The following PLPPR1 variants were observed in gnomAD, a reference collection of about 807,000 sequenced individuals.
The protein encoded by PLPPR1 is phospholipid phosphatase-related protein type 1.
PLPPR1 carries 10 observed loss-of-function variants against 33.1 expected under a neutral mutation model. That is an observed-to-expected ratio of 0.30 (90% confidence interval 0.19 to 0.51). The LOEUF (loss-of-function observed/expected upper bound fraction) is 0.51. Ranked by LOEUF, PLPPR1 falls within the 20% of genes least tolerant of loss-of-function variation. The pLI is 0.97. For synonymous variants in PLPPR1, 151 were observed against 151.0 expected (o/e 1.00, Z 0.00); for missense variants, 304 against 408.1 (o/e 0.74, Z 2.20).
At chr9:101,187,010 G>C (rs1454210098) in intron 2 of PLPPR1, among the ~76,000 whole-genome samples, 1 of 151,802 alleles carries the variant, frequency 6.6e-6, no homozygotes, top group Admixed American at 6.6e-5. Context: ...TCAGACAATA[G>C]TGATAATTAT....
chr9:101,082,418 A>G (rs581128), intron 1 of PLPPR1, among the ~76,000 whole-genome samples: 91,999 of 151,730 alleles, frequency 0.61, 27,862 homozygotes, highest in East Asian at 0.63. Context: ...CCCACCAAGG[A>G]GGGGATTTTT....
In PLPPR1 at chr9:101,090,216, T is replaced by C. The variant is rs1005888119; in HGVS notation, c.-46+61114T>C. On this transcript the variant is annotated intron_variant, in intron 1 of 7. Transcript: ENST00000374874. ...GTAGATTAGAACCTCTTAACTTGGA[T>C]AAATCTGCAAAGACCCCGTTTCCAA... Among the ~76,000 whole-genome samples, 8 of 152,246 alleles carry C rather than the reference T, an allele frequency of 5.3e-5. 1 individual carries two copies. The East Asian group carries it at 1.5e-3, about 29-fold the overall frequency.
intron 1 of PLPPR1, among the ~76,000 whole-genome samples, chr9:101,139,659 A>G (rs1831423932): frequency 6.6e-6 from 1 of 152,152 alleles, no homozygotes; most frequent in African/African-American, 2.4e-5. Context: ...GAGTGTTGCC[A>G]TTATATTGCC....
chr9:101,261,346 G>T (rs990414618), intron 2 of PLPPR1, among the ~76,000 whole-genome samples: 14 of 152,062 alleles, frequency 9.2e-5, no homozygotes, highest in African/African-American at 3.4e-4. Flanking sequence ...TTGTTGCTCA[G>T]TTTTTTTAAC....
rs1308760408 is a variant in PLPPR1 at position 101,078,167 on chromosome 9, GA to G, written c.-46+49067del. ...AGAAGAAGAAGAAGAAGAAGAAGAA[GA>G]AGAAGAAGAAGAAGAAGAGGAGGGG... On this transcript the variant is annotated intron_variant, in intron 1 of 7. Coordinates refer to ENST00000374874, the MANE Select transcript of PLPPR1 (RefSeq NM_207299.2). Among the ~76,000 whole-genome samples the G allele has an allele frequency of 1.0e-3, 39 of 37,794 alleles. 2 individuals carry two copies. The highest frequency in any genetic ancestry group is 1.5e-3 in the Non-Finnish European group (29 of 19,796). 24.8% of individuals were successfully genotyped at this position (37,794 alleles called of 152,430 possible).
chr9:101,121,791 C>T (rs935841230), intron 1 of PLPPR1, among the ~76,000 whole-genome samples: 2 of 152,152 alleles, frequency 1.3e-5, no homozygotes, highest in East Asian at 3.8e-4. Context: ...TCAAGTAAGA[C>T]TAGTGAATTC....
intron 1 of PLPPR1, among the ~76,000 whole-genome samples, chr9:101,111,530 A>T (rs1367364837): frequency 2.0e-5 from 3 of 152,188 alleles, no homozygotes; most frequent in Non-Finnish European, 4.4e-5. Context: ...TTCCTGTTAT[A>T]CCTATATTTG....
At chr9:101,277,052 A>T (rs1437236281) in intron 3 of PLPPR1, among the ~76,000 whole-genome samples, 1 of 152,220 alleles carries the variant, frequency 6.6e-6, no homozygotes, top group Non-Finnish European at 1.5e-5. Flanking sequence ...AAAGTGGAGC[A>T]TGGAGACATT....
At chr9:101,286,336 G>A in intron 4 of PLPPR1, 100 bp downstream of exon 4, 2 of 1,151,604 alleles carry the variant, frequency 1.7e-6, no homozygotes, top group Non-Finnish European at 2.4e-6. Context: ...AACATTAAAA[G>A]CAAGGGCTGC....
chr9:101,050,980 G>A (rs1291158284), intron 1 of PLPPR1, among the ~76,000 whole-genome samples: 1 of 151,986 alleles, frequency 6.6e-6, no homozygotes, highest in Non-Finnish European at 1.5e-5. Flanking sequence ...GTCACTCTAG[G>A]TTCACTTTGT....
chr9:101,193,773 A>G (rs542425653), intron 2 of PLPPR1, among the ~76,000 whole-genome samples: 3 of 152,314 alleles, frequency 2.0e-5, no homozygotes, highest in South Asian at 4.1e-4. Context: ...GAGCTAATTG[A>G]TTTACTTAAG....
chr9:101,318,294 T>G (rs1048631914), intron 7 of PLPPR1, among the ~76,000 whole-genome samples: 11 of 152,116 alleles, frequency 7.2e-5, no homozygotes, highest in Non-Finnish European at 1.5e-4. Context: ...AAAAATCTAC[T>G]CCATGTGAGA....
chr9:101,212,383 A>C (rs1190246805), intron 2 of PLPPR1, among the ~76,000 whole-genome samples: 2 of 152,098 alleles, frequency 1.3e-5, no homozygotes. Flanking sequence ...ACTCCCGGCC[A>C]CATCTTTTGC....
intron 4 of PLPPR1, among the ~76,000 whole-genome samples, chr9:101,301,160 TACAATG>T (rs1828744281): frequency 6.6e-6 from 1 of 152,222 alleles, no homozygotes. Context: ...CATGAGTAAT[TACAATG>T]ACAAATACAG....
At chr9:101,227,286 C>G (rs1827090895) in intron 2 of PLPPR1, among the ~76,000 whole-genome samples, 1 of 152,114 alleles carries the variant, frequency 6.6e-6, no homozygotes, top group Non-Finnish European at 1.5e-5. Flanking sequence ...TAAAAGTGTT[C>G]CTTTTTCTCT....
chr9:101,049,415 G>A (rs1292288595), intron 1 of PLPPR1, among the ~76,000 whole-genome samples: 1 of 152,156 alleles, frequency 6.6e-6, no homozygotes, highest in African/African-American at 2.4e-5. Context: ...GTGACTTTAT[G>A]TCTATTCACC....
intron 2 of PLPPR1, among the ~76,000 whole-genome samples, chr9:101,195,073 A>G (rs1332629519): frequency 6.6e-6 from 1 of 152,202 alleles, no homozygotes; most frequent in Non-Finnish European, 1.5e-5. Context: ...GCTCATCACA[A>G]TCACTCAGGG....
At position 101,047,149 on chromosome 9, in the gene PLPPR1, A is replaced by G. The variant is rs553134192; in HGVS notation, c.-46+18047A>G. On this transcript the variant is annotated intron_variant, in intron 1 of 7. Coordinates refer to ENST00000374874, the MANE Select transcript of PLPPR1 (RefSeq NM_207299.2). ...GATAATACATCTTTTCTTCCCCAGCAGAATGATTTATAGTTTTTTGAGTCT... is the reference window on the plus strand; with the variant it reads ...GATAATACATCTTTTCTTCCCCAGCGGAATGATTTATAGTTTTTTGAGTCT... 2.6e-5 allele frequency among the ~76,000 whole-genome samples: 4 copies of G among 152,314 alleles called. No individual in the cohort carries two copies. In the South Asian group the frequency reaches 8.3e-4, roughly 32 times the overall value.
At chr9:101,292,575 A>G (rs770947147) in intron 4 of PLPPR1, among the ~76,000 whole-genome samples, 11 of 147,908 alleles carry the variant, frequency 7.4e-5, no homozygotes, top group South Asian at 2.3e-4. Context: ...GAAGCCCATC[A>G]GACTAACAGC....
Sources: gnomAD v4.1 joint callset for allele counts (sites outside exome capture counted in the v4.1 genomes callset) on GRCh38, gnomAD v4.1.1 for gene constraint, MANE v1.5 for transcripts, NCBI Gene and HGNC (gene_info 2026-07-23, HGNC 2026-07-21) for gene names.